Variants in PPFIA2 observed in about 807,000 individuals in gnomAD.
PPFIA2 encodes the protein PPFI scaffold protein A2.
PPFIA2 carries 46 observed loss-of-function variants against 175.5 expected under a neutral mutation model. The ratio of observed to expected loss-of-function variants is 0.26; its 90% CI spans 0.21 to 0.34. The LOEUF (loss-of-function observed/expected upper bound fraction) is 0.34. Ranked by LOEUF, PPFIA2 falls within the 10% of genes least tolerant of loss-of-function variation. PPFIA2 has a pLI of 1.00. For missense variants in PPFIA2, 1,179 were observed against 1,506.1 expected (o/e 0.78, Z 3.60); for synonymous variants, 568 against 511.4 (o/e 1.11, Z -1.49).
At chr12:81,554,975 G>C (rs1434769888) in intron 4 of PPFIA2, among the ~76,000 whole-genome samples, 4 of 151,900 alleles carry the variant, frequency 2.6e-5, no homozygotes, top group Non-Finnish European at 5.9e-5. Context: ...ATTTTTGGGG[G>C]AATAGGATCT....
At chr12:81,682,904 A>G (rs1038997281) in intron 3 of PPFIA2, among the ~76,000 whole-genome samples, 1 of 151,960 alleles carries the variant, frequency 6.6e-6, no homozygotes, top group Non-Finnish European at 1.5e-5. Flanking sequence ...TGACTACTCC[A>G]TCTTTATTGA....
At chr12:81,399,041 A>G (rs1210959929) in intron 8 of PPFIA2, among the ~76,000 whole-genome samples, 1 of 151,988 alleles carries the variant, frequency 6.6e-6, no homozygotes, top group East Asian at 1.9e-4. Context: ...AAATTCTACC[A>G]AAGTGAAAAA....
intron 3 of PPFIA2, among the ~76,000 whole-genome samples, chr12:81,732,399 A>C (rs904198472): frequency 6.6e-6 from 1 of 151,538 alleles, no homozygotes; most frequent in Non-Finnish European, 1.5e-5. Flanking sequence ...AGTGTGGGGA[A>C]AAGAGCAAGG....
chr12:81,403,867 A>G (rs1044177203), intron 8 of PPFIA2, among the ~76,000 whole-genome samples: 2 of 152,182 alleles, frequency 1.3e-5, no homozygotes, highest in Admixed American at 1.3e-4. Flanking sequence ...GAAGCATGCC[A>G]GTGTATAAAA....
intron 4 of PPFIA2, among the ~76,000 whole-genome samples, chr12:81,618,929 T>A (rs148738012): frequency 3.8e-4 from 58 of 152,292 alleles, no homozygotes; most frequent in African/African-American, 1.3e-3. Context: ...CCTATAATAG[T>A]CTAGGCTTTA....
chr12:81,354,610 G>A (rs990141402), intron 16 of PPFIA2, among the ~76,000 whole-genome samples: 11 of 152,002 alleles, frequency 7.2e-5, no homozygotes, highest in Admixed American at 7.2e-4. Context: ...TCATCCATGA[G>A]GGTTAAAATC....
chr12:81,473,297 T>C (rs1421367561), intron 4 of PPFIA2, among the ~76,000 whole-genome samples: 1 of 151,968 alleles, frequency 6.6e-6, no homozygotes, highest in African/African-American at 2.4e-5. Flanking sequence ...TAATCTCAGC[T>C]ACTAGGGAGG....
intron 4 of PPFIA2, among the ~76,000 whole-genome samples, chr12:81,487,041 G>A (rs1285804573): frequency 1.3e-5 from 2 of 151,878 alleles, no homozygotes; most frequent in Non-Finnish European, 2.9e-5. Flanking sequence ...AAAACACGGT[G>A]TGATTTCTGT....
chr12:81,462,585 C>CATTATAT (rs1555402551), intron 4 of PPFIA2, among the ~76,000 whole-genome samples: 2 of 124,680 alleles, frequency 1.6e-5, no homozygotes, highest in Non-Finnish European at 3.4e-5. Context: ...TATATATATA[C>CATTATAT]ATATATATAT....
intron 28 of PPFIA2, among the ~76,000 whole-genome samples, chr12:81,270,409 A>C (rs2136392334): frequency 6.6e-6 from 1 of 152,286 alleles, no homozygotes; most frequent in South Asian, 2.1e-4. Flanking sequence ...ATGTAACCTT[A>C]CTTGGATATC....
At chr12:81,577,278 TAA>T (rs1448141396) in intron 4 of PPFIA2, among the ~76,000 whole-genome samples, 4 of 151,900 alleles carry the variant, frequency 2.6e-5, no homozygotes, top group Non-Finnish European at 4.4e-5. Context: ...GAAGAGCTTT[TAA>T]AAAGTTTATT....
chr12:81,306,575 C>G (rs1435886834), intron 22 of PPFIA2, among the ~76,000 whole-genome samples: 1 of 117,448 alleles, frequency 8.5e-6, no homozygotes, highest in East Asian at 2.6e-4. Context: ...GAGTTTTACT[C>G]TGTCTTCCAG....
At chr12:81,534,353 C>T (rs1260794606) in intron 4 of PPFIA2, among the ~76,000 whole-genome samples, 2 of 151,624 alleles carry the variant, frequency 1.3e-5, no homozygotes, top group African/African-American at 4.8e-5. Context: ...GTTCCCACCA[C>T]ATAAAATTGA....
At chr12:81,303,398 T>A (rs2048347637) in intron 22 of PPFIA2, among the ~76,000 whole-genome samples, 1 of 152,198 alleles carries the variant, frequency 6.6e-6, no homozygotes, top group South Asian at 2.1e-4. Context: ...TTAGAGGGCA[T>A]CAGCTGTACT....
chr12:81,458,567 A>C (rs2053989406), intron 4 of PPFIA2, among the ~76,000 whole-genome samples: 1 of 152,098 alleles, frequency 6.6e-6, no homozygotes, highest in African/African-American at 2.4e-5. Context: ...ATTGTTACAA[A>C]AAAATTGGGG....
At chr12:81,641,556 G>A (rs552322990) in intron 4 of PPFIA2, among the ~76,000 whole-genome samples, 3 of 152,210 alleles carry the variant, frequency 2.0e-5, no homozygotes, top group South Asian at 2.1e-4. Context: ...CTGGAGCCAC[G>A]GGCCACTGCT....
chr12:81,616,779 C>T (rs2061456608), intron 4 of PPFIA2, among the ~76,000 whole-genome samples: 1 of 152,040 alleles, frequency 6.6e-6, no homozygotes. Context: ...AAATGCTTTC[C>T]TTTAATATCA....
intron 3 of PPFIA2, among the ~76,000 whole-genome samples, chr12:81,739,201 T>C (rs1173930020): frequency 1.3e-5 from 2 of 151,968 alleles, no homozygotes; most frequent in African/African-American, 4.8e-5. Flanking sequence ...CAAAATGAAG[T>C]TACATTTTTA....
At chr12:81,342,498 C>G (rs2058291775) in intron 19 of PPFIA2, among the ~76,000 whole-genome samples, 1 of 151,988 alleles carries the variant, frequency 6.6e-6, no homozygotes, top group African/African-American at 2.4e-5. Context: ...ATTGTCAGGA[C>G]TTTTGTCACC....
Sources: allele counts gnomAD v4.1 joint callset (sites outside exome capture counted in the v4.1 genomes callset), GRCh38; gene constraint gnomAD v4.1.1; transcripts MANE v1.5; gene names NCBI Gene and HGNC (gene_info 2026-07-23, HGNC 2026-07-21).